The following WNT8B variants were observed in gnomAD, a reference collection of about 807,000 sequenced individuals.
WNT8B encodes the protein protein Wnt-8b.
Under a neutral mutation model 36.6 loss-of-function variants are expected in WNT8B, and 24 were observed. The observed-to-expected ratio is 0.66, with a 90% CI of 0.48 to 0.92. The LOEUF (loss-of-function observed/expected upper bound fraction) is 0.92, where lower values mean the gene tolerates loss of function less well. WNT8B is among the 40% of genes least tolerant of loss of function. WNT8B has a pLI of 0.00. For synonymous variants in WNT8B, 199 were observed against 189.8 expected (o/e 1.05, Z -0.40); for missense variants, 402 against 470.8 (o/e 0.85, Z 1.35).
chr10:100,469,274 T>C (rs992684002), intron 1 of WNT8B, among the ~76,000 whole-genome samples: 2 of 152,232 alleles, frequency 1.3e-5, no homozygotes, highest in Non-Finnish European at 2.9e-5. Flanking sequence ...CTAGCTACTT[T>C]CATGTCATAA....
At chr10:100,469,833 C>A (rs1333965715) in intron 1 of WNT8B, among the ~76,000 whole-genome samples, 1 of 152,218 alleles carries the variant, frequency 6.6e-6, no homozygotes, top group African/African-American at 2.4e-5. Flanking sequence ...TCTTTGGGCT[C>A]TCCCCAGCCC....
At chr10:100,466,866 C>G (rs1850912256) in intron 1 of WNT8B, among the ~76,000 whole-genome samples, 1 of 151,770 alleles carries the variant, frequency 6.6e-6, no homozygotes, top group Admixed American at 6.6e-5. Flanking sequence ...TTCTGGGCTC[C>G]AACGATGCTT....
intron 1 of WNT8B, among the ~76,000 whole-genome samples, chr10:100,472,486 A>G (rs1473321257): frequency 6.6e-6 from 1 of 152,202 alleles, no homozygotes; most frequent in Non-Finnish European, 1.5e-5. Flanking sequence ...ATAAACACTC[A>G]GTGAAAAGTA....
chr10:100,474,557 C>G (rs555048955), intron 1 of WNT8B, among the ~76,000 whole-genome samples: 25 of 152,202 alleles, frequency 1.6e-4, no homozygotes, highest in Middle Eastern at 3.4e-3. Flanking sequence ...TTGGTACTCA[C>G]TACAGGACAG....
At chr10:100,478,170 A>G (rs922563324) in intron 1 of WNT8B, among the ~76,000 whole-genome samples, 2 of 152,144 alleles carry the variant, frequency 1.3e-5, no homozygotes, top group Non-Finnish European at 2.9e-5. Context: ...CAATCCCTAG[A>G]GAGATATTCC....
chr10:100,481,714 T>C (rs1249328952), intron 4 of WNT8B, among the ~76,000 whole-genome samples, 198 bp from the exon 5 acceptor site: 1 of 152,148 alleles, frequency 6.6e-6, no homozygotes, highest in African/African-American at 2.4e-5. Context: ...GAGCAGGGGA[T>C]TGGCTGAACC....
chr10:100,481,211 T>C, intron 4 of WNT8B, 88 bp downstream of exon 4: 1 of 1,519,768 alleles, frequency 6.6e-7, no homozygotes. Flanking sequence ...AGAGCTGTAT[T>C]CTTCTAAATA....
At chr10:100,469,138 C>T (rs1269766257) in intron 1 of WNT8B, among the ~76,000 whole-genome samples, 1 of 152,212 alleles carries the variant, frequency 6.6e-6, no homozygotes, top group East Asian at 1.9e-4. Flanking sequence ...CCAAAAGCTA[C>T]ACATTCCTGA....
In WNT8B at chr10:100,479,910, G is replaced by A. The variant is rs1417667684; in HGVS notation, c.139G>A (p.Ala47Thr). 6.2e-7 allele frequency: 1 copy of A among 1,614,040 alleles called. No homozygotes were observed. Among genetic ancestry groups the A allele is most frequent in the Non-Finnish European group, 8.5e-7 (1 of 1,179,952 alleles). ...TTACTCCAGCAGTGTGGCAGCTGGT[G>A]CCCAGAGTGGTATTGAAGAATGCAA... ...LIYSSSVAAG[A>T]QSGIEECKYQ... Residue 47 changes from alanine to threonine, a missense_variant, in exon 3 of 6, where the codon GCC becomes ACC. Ala to Thr is a moderately conservative substitution (Grantham distance 58, BLOSUM62 0). Around this residue, in one of 3 missense-constraint regions of WNT8B, gnomAD observed 131 missense variants for 152.6 expected, o/e 0.86. Transcript: ENST00000343737.
chr10:100,478,689 C>T (rs1373470834), intron 1 of WNT8B, among the ~76,000 whole-genome samples: 1 of 151,880 alleles, frequency 6.6e-6, no homozygotes, highest in Non-Finnish European at 1.5e-5. Flanking sequence ...TCAAGTGATT[C>T]TCATGCCTCA....
At chr10:100,477,553 C>A (rs936723837) in intron 1 of WNT8B, among the ~76,000 whole-genome samples, 33 of 152,238 alleles carry the variant, frequency 2.2e-4, no homozygotes, top group African/African-American at 7.9e-4. Context: ...CCTGCCTTGG[C>A]CTCCCAAAGT....
chr10:100,481,364 T>C (rs1851108519), intron 4 of WNT8B, among the ~76,000 whole-genome samples: 1 of 152,208 alleles, frequency 6.6e-6, no homozygotes, highest in South Asian at 2.1e-4. Context: ...AACAACACTC[T>C]GGGGATTCCT....
rs760595661 is a variant in WNT8B, at chr10:100,479,868, C to T, written c.103-6C>T. 8 of 1,613,828 alleles carry T rather than the reference C, an allele frequency of 5.0e-6. No individual in the cohort carries two copies. The East Asian group carries it at 1.8e-4, about 36-fold the overall frequency. The stretch of plus-strand genomic sequence containing the variant: ...AGTCTGAATTTTTACCCCTATGTCC[C>T]TACAGGCTTACCTGATTTACTCCAG... On this transcript the variant is annotated splice_region_variant and splice_polypyrimidine_tract_variant and intron_variant, in intron 2 of 5. Coordinates refer to ENST00000343737, the MANE Select transcript of WNT8B (RefSeq NM_003393.4).
intron 1 of WNT8B, among the ~76,000 whole-genome samples, chr10:100,471,698 C>T (rs1359008620): frequency 6.6e-6 from 1 of 152,204 alleles, no homozygotes; most frequent in East Asian, 1.9e-4. Context: ...GCCTAGGCTC[C>T]AGCCCTGGCT....
chr10:100,472,569 C>G (rs1189966449), intron 1 of WNT8B, among the ~76,000 whole-genome samples: 1 of 152,190 alleles, frequency 6.6e-6, no homozygotes, highest in Non-Finnish European at 1.5e-5. Context: ...AAGAGTTCCT[C>G]ACATACTTGA....
intron 4 of WNT8B, 117 bp from the exon 5 acceptor site, chr10:100,481,795 C>T (rs777953534): frequency 8.4e-5 from 119 of 1,421,932 alleles, no homozygotes; most frequent in Non-Finnish European, 1.1e-4. Context: ...GGCACTCGCC[C>T]AACCTTAATC....
intron 1 of WNT8B, among the ~76,000 whole-genome samples, chr10:100,468,272 CTAGT>C (rs1388818535): frequency 1.3e-5 from 2 of 152,194 alleles, no homozygotes; most frequent in East Asian, 3.8e-4. Flanking sequence ...AGCTGTTCAC[CTAGT>C]TATTTTACAG....
chr10:100,475,039 G>A (rs1378483875), intron 1 of WNT8B, among the ~76,000 whole-genome samples: 3 of 151,806 alleles, frequency 2.0e-5, no homozygotes, highest in East Asian at 2.0e-4. Flanking sequence ...TTGGGAGTTC[G>A]AGACCAGCCT....
rs772021381 is a variant in WNT8B at position 100,482,097 on chromosome 10, T to C, written c.510+43T>C. ...TGGAAATAGGCAGCTGCTGGCTATA[T>C]CCACTACCAGCTCCAGGTGCGGACA... On this transcript the variant is annotated intron_variant, in intron 5 of 5. Transcript: ENST00000343737. The surrounding 1 kb of genome is among the most constrained non-coding windows in gnomAD (Gnocchi z 6.6). The C allele has an allele frequency of 9.3e-6, 15 of 1,611,326 alleles. No homozygotes were observed. Among genetic ancestry groups the C allele is most frequent in the African/African-American group, 5.3e-5 (4 of 74,874 alleles).
Sources: allele counts gnomAD v4.1 joint callset (sites outside exome capture counted in the v4.1 genomes callset), GRCh38; gene constraint gnomAD v4.1.1; regional missense constraint gnomAD v4.1.1; non-coding constraint Gnocchi (gnomAD v3.1); transcripts MANE v1.5; gene names NCBI Gene and HGNC (gene_info 2026-07-23, HGNC 2026-07-21).